Variants in SLC14A2 observed in about 807,000 individuals in gnomAD.
SLC14A2 encodes solute carrier family 14 member 2.
A neutral mutation model predicts 104.6 loss-of-function variants in SLC14A2; 91 were observed. The ratio of observed to expected loss-of-function variants is 0.87; its 90% CI spans 0.73 to 1.04. The LOEUF (loss-of-function observed/expected upper bound fraction) is 1.04, where lower values mean the gene tolerates loss of function less well. Among genes scored for constraint, SLC14A2 ranks in the 50% least tolerant of loss-of-function variants. The probability of loss-of-function intolerance (pLI) is 0.00; values close to 1 mark genes in which losing one functional copy is unlikely to be tolerated. For missense variants in SLC14A2, 1,189 were observed against 1,156.0 expected (o/e 1.03, Z -0.41); for synonymous variants, 476 against 466.4 (o/e 1.02, Z -0.27).
intron 1 of SLC14A2, among the ~76,000 whole-genome samples, chr18:45,329,432 A>G (rs1439999142): frequency 2.0e-5 from 3 of 152,212 alleles, no homozygotes; most frequent in Non-Finnish European, 4.4e-5. Flanking sequence ...ATCAATTTGC[A>G]GACTACAACA....
chr18:45,169,396 T>G, the SLC14A2 span, among the ~76,000 whole-genome samples: 1 of 152,162 alleles, frequency 6.6e-6, no homozygotes, highest in Non-Finnish European at 1.5e-5. Context: ...ACTCTATAAT[T>G]GATCTGATGC....
chr18:45,192,522 T>G, the SLC14A2 span, among the ~76,000 whole-genome samples: 1 of 152,230 alleles, frequency 6.6e-6, no homozygotes, highest in African/African-American at 2.4e-5. Flanking sequence ...TATCATTTTA[T>G]ATCCCCACAG....
intron 17 of SLC14A2, among the ~76,000 whole-genome samples, chr18:45,673,316 T>C (rs1056978183): frequency 2.6e-5 from 4 of 152,206 alleles, no homozygotes; most frequent in Non-Finnish European, 1.5e-5. Context: ...TATTTACATG[T>C]TAAGTGATCT....
chr18:45,416,399 G>A (rs997747776), intron 1 of SLC14A2, among the ~76,000 whole-genome samples: 13 of 152,012 alleles, frequency 8.6e-5, no homozygotes, highest in Non-Finnish European at 1.3e-4. Context: ...ATCAAGGACT[G>A]GATTGCACTG....
At chr18:45,571,774 A>C (rs1019052852) in intron 2 of SLC14A2, among the ~76,000 whole-genome samples, 1 of 152,242 alleles carries the variant, frequency 6.6e-6, no homozygotes, top group Non-Finnish European at 1.5e-5. Context: ...AGTCTGATCC[A>C]TTACTTGAAG....
At chr18:45,656,189 T>C (rs758233683) in intron 10 of SLC14A2, among the ~76,000 whole-genome samples, 2 of 152,114 alleles carry the variant, frequency 1.3e-5, no homozygotes, top group Non-Finnish European at 2.9e-5. Context: ...GCAAATACAA[T>C]GGGAATTCAA....
intron 2 of SLC14A2, chr18:45,529,960 A>C (rs916873054): frequency 2.6e-5 from 4 of 152,288 alleles, no homozygotes; most frequent in East Asian, 1.9e-4. Context: ...CTACTCCTAC[A>C]AGAAGCTCTC....
intron 1 of SLC14A2, among the ~76,000 whole-genome samples, chr18:45,411,512 A>G (rs1434492630): frequency 6.6e-6 from 1 of 152,182 alleles, no homozygotes; most frequent in African/African-American, 2.4e-5. Flanking sequence ...CCCATATCAC[A>G]CAGATTCAGC....
At chr18:45,171,604 G>A in the SLC14A2 span, among the ~76,000 whole-genome samples, 5 of 152,206 alleles carry the variant, frequency 3.3e-5, no homozygotes, top group Admixed American at 1.3e-4. Context: ...AGAAACACAA[G>A]CAGTCATCTC....
At chr18:45,365,865 G>C (rs2085660770) in intron 1 of SLC14A2, among the ~76,000 whole-genome samples, 1 of 152,042 alleles carries the variant, frequency 6.6e-6, no homozygotes, top group Admixed American at 6.5e-5. Context: ...TTCCAGCACT[G>C]TGAATGAGCT....
intron 1 of SLC14A2, among the ~76,000 whole-genome samples, chr18:45,391,688 A>G (rs1329011152): frequency 6.6e-6 from 1 of 152,098 alleles, no homozygotes; most frequent in African/African-American, 2.4e-5. Context: ...GATGATGAGC[A>G]TTTTTTCATG....
intron 1 of SLC14A2, among the ~76,000 whole-genome samples, chr18:45,434,545 C>T (rs1314901759): frequency 6.6e-6 from 1 of 152,142 alleles, no homozygotes; most frequent in East Asian, 1.9e-4. Context: ...GTGGATAGCA[C>T]CAGTGGATTT....
At chr18:45,611,280 C>CT (rs889693328), upstream of SLC14A2, among the ~76,000 whole-genome samples, 4 of 152,234 alleles carry the variant, frequency 2.6e-5, no homozygotes, top group African/African-American at 9.6e-5. Flanking sequence ...GTCCCGATTT[C>CT]TACCCCCTCC....
At chr18:45,335,476 CAAAG>C (rs2085329704) in intron 1 of SLC14A2, among the ~76,000 whole-genome samples, 1 of 402 alleles carries the variant, frequency 2.5e-3, no homozygotes. Flanking sequence ...TATGAGAATG[CAAAG>C]TGAAGTGTTT....
At chr18:45,483,753 G>T (rs1433753267) in intron 2 of SLC14A2, among the ~76,000 whole-genome samples, 2 of 152,102 alleles carry the variant, frequency 1.3e-5, no homozygotes, top group Non-Finnish European at 2.9e-5. Context: ...ACTGATTTGG[G>T]GTTGGAATGA....
chr18:45,469,959 G>A (rs1171900357), intron 1 of SLC14A2, among the ~76,000 whole-genome samples: 1 of 152,120 alleles, frequency 6.6e-6, no homozygotes, highest in Non-Finnish European at 1.5e-5. Context: ...ATAGCTGTTT[G>A]TAAAAATACA....
chr18:45,359,641 CCAGGCTATTTT>C (rs1443362177), intron 1 of SLC14A2, among the ~76,000 whole-genome samples: 1 of 152,194 alleles, frequency 6.6e-6, no homozygotes, highest in African/African-American at 2.4e-5. Context: ...AGAGCAGGTG[CCAGGCTATTTT>C]GGGACAGCAA....
intron 1 of SLC14A2, among the ~76,000 whole-genome samples, chr18:45,265,229 A>G (rs886935453): frequency 1.3e-5 from 2 of 152,216 alleles, no homozygotes; most frequent in African/African-American, 4.8e-5. Flanking sequence ...AAGCTTATGA[A>G]GAGCTCTTAT....
intron 1 of SLC14A2, among the ~76,000 whole-genome samples, chr18:45,325,452 C>T (rs191463737): frequency 7.9e-4 from 120 of 152,294 alleles, no homozygotes; most frequent in African/African-American, 2.7e-3. Flanking sequence ...CTGGTGAATC[C>T]TCTCCCTAGG....
Sources: allele counts gnomAD v4.1 joint callset (sites outside exome capture counted in the v4.1 genomes callset), GRCh38; gene constraint gnomAD v4.1.1; transcripts MANE v1.5; gene names NCBI Gene and HGNC (gene_info 2026-07-23, HGNC 2026-07-21).